The following ZBTB7C variants were observed in gnomAD, a reference collection of about 807,000 sequenced individuals.
ZBTB7C encodes the protein zinc finger and BTB domain containing 7C.
ZBTB7C carries 8 observed loss-of-function variants against 25.7 expected under a neutral mutation model. That is an observed-to-expected ratio of 0.31 (90% confidence interval 0.18 to 0.56). ZBTB7C has a LOEUF of 0.56. Among genes scored for constraint, ZBTB7C ranks in the 20% least tolerant of loss-of-function variants. ZBTB7C has a pLI of 0.91. For synonymous variants in ZBTB7C, 394 were observed against 369.0 expected (o/e 1.07, Z -0.78); for missense variants, 824 against 855.2 (o/e 0.96, Z 0.46).
chr18:48,140,423 A>G (rs75631186), intron 3 of ZBTB7C, among the ~76,000 whole-genome samples: 3,120 of 152,264 alleles, frequency 0.02, 114 homozygotes, highest in African/African-American at 0.072. Flanking sequence ...AGCTCAGAGA[A>G]GTTTTACAAC....
intron 3 of ZBTB7C, among the ~76,000 whole-genome samples, chr18:48,122,305 C>T (rs988387899): frequency 3.9e-5 from 6 of 152,134 alleles, no homozygotes; most frequent in African/African-American, 4.8e-5. Context: ...AATGGATGGT[C>T]GACAATTGAT....
intron 2 of ZBTB7C, among the ~76,000 whole-genome samples, chr18:48,290,350 TC>T (rs2045185386): frequency 6.6e-6 from 1 of 152,184 alleles, no homozygotes; most frequent in South Asian, 2.1e-4. Flanking sequence ...CTAGAAGGGC[TC>T]CCTTTCAGGG....
intron 2 of ZBTB7C, among the ~76,000 whole-genome samples, chr18:48,200,148 C>T (rs549862467): frequency 1.3e-5 from 2 of 152,232 alleles, no homozygotes; most frequent in South Asian, 4.2e-4. Context: ...TTCAGAACTT[C>T]ACGACACTGG....
chr18:48,229,231 C>T, intron 2 of ZBTB7C, among the ~76,000 whole-genome samples: 1 of 152,192 alleles, frequency 6.6e-6, no homozygotes, highest in East Asian at 1.9e-4. Context: ...TCAGCACCCA[C>T]TCTGGTGACT....
intron 3 of ZBTB7C, among the ~76,000 whole-genome samples, chr18:48,071,971 CAG>C (rs969982488): frequency 1.3e-5 from 2 of 152,180 alleles, no homozygotes; most frequent in African/African-American, 4.8e-5. Context: ...TTAATGGGGA[CAG>C]AGTTTCATTT....
At chr18:48,144,289 ATT>A (rs78973683) in intron 3 of ZBTB7C, among the ~76,000 whole-genome samples, 2 of 151,346 alleles carry the variant, frequency 1.3e-5, no homozygotes, top group African/African-American at 2.4e-5. Flanking sequence ...AAAAAAAAAA[ATT>A]TTTTTTTTCT....
intron 2 of ZBTB7C, among the ~76,000 whole-genome samples, chr18:48,249,330 T>C (rs1350304628): frequency 6.6e-6 from 1 of 152,226 alleles, no homozygotes; most frequent in African/African-American, 2.4e-5. Context: ...TGTAGTGTTA[T>C]CTATAAAAGC....
chr18:48,270,251 TTC>T lies in ZBTB7C; in HGVS notation c.-79+67921_-79+67922del, dbSNP rs1429046829. On this transcript the variant is annotated intron_variant, in intron 2 of 4. Coordinates refer to ENST00000590800, the MANE Select transcript of ZBTB7C (RefSeq NM_001318841.2). Reference sequence around the variant, plus strand: ...CCTAAACCTAGTTCTTTTTCTCTCTTTCTTTTTTTTTTTTTTTTTTTTTTTGA... The same window carrying T: ...CCTAAACCTAGTTCTTTTTCTCTCTTTTTTTTTTTTTTTTTTTTTTTTTGA... Among the ~76,000 whole-genome samples the T allele has an allele frequency of 6.3e-3, 898 of 143,652 alleles. 5 individuals are homozygous for T. The highest frequency in any genetic ancestry group is 0.011 in the Non-Finnish European group (731 of 65,398). The allele number at this position is 143,652 out of a possible 152,430, so 94.2% of individuals were successfully genotyped here.
chr18:48,234,732 C>A (rs2043335348), intron 2 of ZBTB7C, among the ~76,000 whole-genome samples: 1 of 152,144 alleles, frequency 6.6e-6, no homozygotes, highest in Admixed American at 6.5e-5. Context: ...TTTTTCAAAT[C>A]TTCTGTTTGC....
At chr18:48,318,116 G>A (rs1477734896) in intron 2 of ZBTB7C, among the ~76,000 whole-genome samples, 1 of 152,008 alleles carries the variant, frequency 6.6e-6, no homozygotes, top group Non-Finnish European at 1.5e-5. Context: ...GGCTGAGGTG[G>A]ACTTGTGACC....
At chr18:48,108,674 G>T (rs543801397) in intron 3 of ZBTB7C, among the ~76,000 whole-genome samples, 1 of 152,010 alleles carries the variant, frequency 6.6e-6, no homozygotes, top group South Asian at 2.1e-4. Flanking sequence ...GGCTTCAAGC[G>T]ATCCTCCCAC....
intron 4 of ZBTB7C, among the ~76,000 whole-genome samples, chr18:48,034,785 T>A (rs1244030252): frequency 6.6e-6 from 1 of 152,122 alleles, no homozygotes; most frequent in Non-Finnish European, 1.5e-5. Flanking sequence ...GCCAAGGACA[T>A]ATGCACCCAA....
chr18:48,402,782 A>C (rs765414470), intron 1 of ZBTB7C, among the ~76,000 whole-genome samples: 1 of 152,218 alleles, frequency 6.6e-6, no homozygotes, highest in South Asian at 2.1e-4. Context: ...AAAAGACTGG[A>C]AGGAAATATA....
intron 3 of ZBTB7C, among the ~76,000 whole-genome samples, chr18:48,064,863 A>G (rs887299242): frequency 5.3e-5 from 8 of 152,162 alleles, no homozygotes; most frequent in Non-Finnish European, 1.2e-4. Flanking sequence ...TCTAGAGGAA[A>G]ATGGCAGGAG....
chr18:48,369,510 T>C (rs952672739), intron 1 of ZBTB7C, among the ~76,000 whole-genome samples: 3 of 152,112 alleles, frequency 2.0e-5, no homozygotes, highest in Non-Finnish European at 4.4e-5. Flanking sequence ...AAAAATTCAC[T>C]TTAAAAATAA....
chr18:48,195,241 C>A (rs1391975618), intron 2 of ZBTB7C, among the ~76,000 whole-genome samples: 1 of 152,164 alleles, frequency 6.6e-6, no homozygotes, highest in Non-Finnish European at 1.5e-5. Context: ...CTTACATAAA[C>A]CATACTCATA....
intron 2 of ZBTB7C, among the ~76,000 whole-genome samples, chr18:48,323,816 A>T (rs917586225): frequency 2.0e-5 from 3 of 151,906 alleles, no homozygotes; most frequent in Non-Finnish European, 4.4e-5. Flanking sequence ...TCTACTTATA[A>T]CTGTAAATAA....
chr18:48,214,749 T>A (rs2042783639), intron 2 of ZBTB7C, among the ~76,000 whole-genome samples: 1 of 152,232 alleles, frequency 6.6e-6, no homozygotes. Flanking sequence ...CCCTGTGACA[T>A]GTGGTAGCAT....
chr18:48,266,397 G>T (rs75824623), intron 2 of ZBTB7C, among the ~76,000 whole-genome samples: 2,195 of 152,244 alleles, frequency 0.014, 62 homozygotes, highest in African/African-American at 0.05. Flanking sequence ...CAAGCAGGTG[G>T]CAGAAGCCTG....
Sources: allele counts gnomAD v4.1 joint callset (sites outside exome capture counted in the v4.1 genomes callset), GRCh38; gene constraint gnomAD v4.1.1; transcripts MANE v1.5; gene names NCBI Gene and HGNC (gene_info 2026-07-23, HGNC 2026-07-21).